CTNND2: variants seen among roughly 807,000 people sequenced by gnomAD.
CTNND2 encodes the protein catenin delta 2.
A neutral mutation model predicts 144.4 loss-of-function variants in CTNND2; 22 were observed. The ratio of observed to expected loss-of-function variants is 0.15; its 90% CI spans 0.11 to 0.22. The LOEUF is 0.22. Ranked by LOEUF, CTNND2 falls within the 10% of genes least tolerant of loss-of-function variation. CTNND2 has a pLI of 1.00. For missense variants in CTNND2, 1,353 were observed against 1,618.8 expected, an observed-to-expected ratio of 0.84 and a Z score of 2.82; for synonymous variants, 751 against 695.6, an observed-to-expected ratio of 1.08 and a Z score of -1.25.
intron 3 of CTNND2, among the ~76,000 whole-genome samples, chr5:11,503,081 C>G (rs1236444435): frequency 6.6e-6 from 1 of 152,130 alleles, no homozygotes; most frequent in Non-Finnish European, 1.5e-5. Context: ...AGAAATGAGG[C>G]TAAACATTGC....
intron 16 of CTNND2, among the ~76,000 whole-genome samples, chr5:11,078,081 C>T (rs1294518039): frequency 1.3e-5 from 2 of 152,128 alleles, no homozygotes; most frequent in African/African-American, 2.4e-5. Context: ...CTGGAGATAC[C>T]TGTTTGGAGT....
intron 9 of CTNND2, among the ~76,000 whole-genome samples, chr5:11,263,724 C>A (rs1014756235): frequency 2.0e-5 from 3 of 152,146 alleles, no homozygotes; most frequent in African/African-American, 7.2e-5. Context: ...TGTATCTCTG[C>A]ACTTACACCC....
In CTNND2 at chr5:11,852,317, T is replaced by C. The variant is rs539621203; in HGVS notation, c.37+51500A>G. On this transcript the variant is annotated intron_variant, in intron 1 of 21. Coordinates refer to ENST00000304623, the MANE Select transcript of CTNND2 (RefSeq NM_001332.4). ...GCGTTCTTAAATTTAGAAAAAAAAA[T>C]CCACAATCCTTGCTTAATTAATTAT... Among the ~76,000 whole-genome samples the C allele has an allele frequency of 7.9e-5, 12 of 152,096 alleles. No individual in the cohort carries two copies. The South Asian group carries it at 2.5e-3, about 32-fold the overall frequency.
chr5:11,535,853 A>T (rs1774167202), intron 3 of CTNND2, among the ~76,000 whole-genome samples: 1 of 152,218 alleles, frequency 6.6e-6, no homozygotes, highest in Non-Finnish European at 1.5e-5. Context: ...CAGGTGACTT[A>T]GAAAAGTGTC....
intron 16 of CTNND2, among the ~76,000 whole-genome samples, chr5:11,075,140 G>C (rs1207210625): frequency 6.6e-6 from 1 of 152,174 alleles, no homozygotes; most frequent in Non-Finnish European, 1.5e-5. Flanking sequence ...TACACAGGGG[G>C]GCGCTGTGTA....
At chr5:11,840,148 C>A (rs1251050345) in intron 1 of CTNND2, among the ~76,000 whole-genome samples, 11 of 152,030 alleles carry the variant, frequency 7.2e-5, no homozygotes, top group Non-Finnish European at 4.4e-5. Flanking sequence ...TCAAAGAGAA[C>A]TCTAAGCAAC....
chr5:11,396,267 G>A (rs573009287), intron 6 of CTNND2, among the ~76,000 whole-genome samples: 1 of 152,142 alleles, frequency 6.6e-6, no homozygotes, highest in East Asian at 1.9e-4. Flanking sequence ...ATTAACTCTG[G>A]CGTGATGATC....
intron 1 of CTNND2, among the ~76,000 whole-genome samples, chr5:11,748,260 A>T (rs1167723833): frequency 6.6e-6 from 1 of 152,116 alleles, no homozygotes; most frequent in African/African-American, 2.4e-5. Flanking sequence ...ACCCGCATAT[A>T]ACAAATTTTG....
intron 11 of CTNND2, among the ~76,000 whole-genome samples, chr5:11,164,589 C>G (rs901062141): frequency 6.6e-6 from 1 of 152,084 alleles, no homozygotes; most frequent in Admixed American, 6.5e-5. Context: ...TCACTGTGCT[C>G]CAGCCAAAAT....
At chr5:11,284,704 A>G (rs1344248122) in intron 9 of CTNND2, among the ~76,000 whole-genome samples, 3 of 152,166 alleles carry the variant, frequency 2.0e-5, no homozygotes, top group Admixed American at 1.3e-4. Context: ...TGCTACTGTG[A>G]ATAGTGCTGC....
intron 10 of CTNND2, among the ~76,000 whole-genome samples, chr5:11,204,240 G>C (rs896250083): frequency 6.6e-6 from 1 of 152,234 alleles, no homozygotes; most frequent in African/African-American, 2.4e-5. Flanking sequence ...GTTGTTTACA[G>C]TGAGGGCATT....
At chr5:10,990,359 T>C (rs1466297245) in intron 19 of CTNND2, among the ~76,000 whole-genome samples, 1 of 152,124 alleles carries the variant, frequency 6.6e-6, no homozygotes, top group African/African-American at 2.4e-5. Flanking sequence ...AACAACTGAG[T>C]CCTTAGCAAG....
intron 14 of CTNND2, among the ~76,000 whole-genome samples, chr5:11,102,201 T>C (rs1171293441): frequency 6.6e-6 from 1 of 152,224 alleles, no homozygotes; most frequent in East Asian, 1.9e-4. Flanking sequence ...AAAGTTCTAG[T>C]ATCCCTTGAG....
intron 2 of CTNND2, among the ~76,000 whole-genome samples, chr5:11,568,135 C>A (rs1241376262): frequency 1.3e-5 from 2 of 152,140 alleles, no homozygotes; most frequent in East Asian, 3.9e-4. Context: ...AACATTCCCA[C>A]CTCTGTGTGA....
intron 1 of CTNND2, among the ~76,000 whole-genome samples, chr5:11,803,515 G>A (rs1426037738): frequency 3.3e-5 from 5 of 152,142 alleles, no homozygotes; most frequent in African/African-American, 9.7e-5. Context: ...ATGATATTTC[G>A]GAGGTAGACG....
At chr5:11,631,234 T>G (rs969908960) in intron 2 of CTNND2, among the ~76,000 whole-genome samples, 1 of 152,198 alleles carries the variant, frequency 6.6e-6, no homozygotes, top group Non-Finnish European at 1.5e-5. Flanking sequence ...ATTGAAAGTT[T>G]TAAAGGATCT....
At chr5:11,236,129 A>C (rs1378806550) in intron 10 of CTNND2, among the ~76,000 whole-genome samples, 1 of 152,252 alleles carries the variant, frequency 6.6e-6, no homozygotes, top group Admixed American at 6.5e-5. Context: ...ACAGTTGTTT[A>C]CATGATGGAC....
At chr5:11,470,984 T>A (rs865876337) in intron 3 of CTNND2, among the ~76,000 whole-genome samples, 681 of 43,636 alleles carry the variant, frequency 0.016, 2 homozygotes, top group Admixed American at 0.023. Flanking sequence ...ATATATATTT[T>A]TTTTTTTTTT....
intron 2 of CTNND2, among the ~76,000 whole-genome samples, chr5:11,634,862 G>A (rs557388716): frequency 2.6e-5 from 4 of 152,196 alleles, no homozygotes; most frequent in Admixed American, 1.3e-4. Flanking sequence ...CAGATGGTGT[G>A]AATAAGTCAA....
Sources: allele counts gnomAD v4.1 joint callset (sites outside exome capture counted in the v4.1 genomes callset), GRCh38; gene constraint gnomAD v4.1.1; transcripts MANE v1.5; gene names NCBI Gene and HGNC (gene_info 2026-07-23, HGNC 2026-07-21).